ELSPBP1: variants seen among roughly 807,000 people sequenced by gnomAD.
The protein encoded by ELSPBP1 is epididymal sperm binding protein 1.
ELSPBP1 carries 38 observed loss-of-function variants against 33.3 expected under a neutral mutation model. That is an observed-to-expected ratio of 1.14 (90% CI 0.88 to 1.50). The LOEUF (loss-of-function observed/expected upper bound fraction) is 1.50. Among genes scored for constraint, ELSPBP1 ranks in the 40% most tolerant of loss-of-function variants. The probability of loss-of-function intolerance (pLI) is 0.00; values close to 1 mark genes in which losing one functional copy is unlikely to be tolerated. For missense variants in ELSPBP1, 267 were observed against 263.5 expected (o/e 1.01, Z -0.09); for synonymous variants, 85 against 94.1 (o/e 0.90, Z 0.56).
At position 48,023,386 on chromosome 19, in the gene ELSPBP1, G is replaced by GAGGAA. The variant is rs1409372862; in HGVS notation, c.*7+1056_*7+1057insAAGGA. The stretch of plus-strand genomic sequence containing the variant: ...GGAGGAAGGAAGAGAGGAAAGGAGG[G>GAGGAA]AGGAGGGAGGGAGGAAGTGAGGGAG... On this transcript the variant is annotated intron_variant, in intron 6 of 6. Transcript: ENST00000339841. Among the ~76,000 whole-genome samples the GAGGAA allele has an allele frequency of 5.0e-4, 34 of 67,740 alleles. 1 individual carries two copies. The East Asian group carries it at 0.032, about 63-fold the overall frequency. The allele number at this position is 67,740 out of a possible 152,430, so 44.4% of individuals were successfully genotyped here.
intron 1 of ELSPBP1, among the ~76,000 whole-genome samples, chr19:48,003,272 G>C (rs1321335120): frequency 6.6e-6 from 1 of 152,174 alleles, no homozygotes; most frequent in Non-Finnish European, 1.5e-5. Flanking sequence ...CAGACCATCA[G>C]TTGCTACCAA....
chr19:48,023,418 G>C (rs1300001822), intron 6 of ELSPBP1, among the ~76,000 whole-genome samples: 1 of 133,014 alleles, frequency 7.5e-6, no homozygotes, highest in Non-Finnish European at 1.6e-5. Context: ...GGAGGAGGGA[G>C]GGAGGGAAGG....
intron 4 of ELSPBP1, among the ~76,000 whole-genome samples, chr19:48,018,391 A>G (rs942905856): frequency 2.8e-5 from 4 of 142,266 alleles, no homozygotes; most frequent in African/African-American, 1.0e-4. Context: ...TTCTGCTATC[A>G]TCTGAGACAC....
chr19:48,001,055 G>A (rs1966962324), intron 1 of ELSPBP1, among the ~76,000 whole-genome samples: 1 of 152,114 alleles, frequency 6.6e-6, no homozygotes, highest in Admixed American at 6.6e-5. Flanking sequence ...CCGCTTCCTG[G>A]CTTCTTCCAG....
chr19:48,010,782 G>A (rs1263336176), intron 2 of ELSPBP1, among the ~76,000 whole-genome samples: 1 of 152,192 alleles, frequency 6.6e-6, no homozygotes, highest in Non-Finnish European at 1.5e-5. Context: ...AGGCAGGTCA[G>A]CAGGGTCTGG....
rs1415537409 is a variant in ELSPBP1, at chr19:48,011,266, G to C, written c.70+2529G>C. 6.6e-6 allele frequency among the ~76,000 whole-genome samples: 1 copy of C among 151,626 alleles called. No individual in the cohort carries two copies. Among genetic ancestry groups the C allele is most frequent in the Non-Finnish European group, 1.5e-5 (1 of 67,950 alleles). ...GATGACAATGATTGATAATGATGAT[G>C]ACAATGACGATGATGATCACCATGA... is the stretch of plus-strand genomic sequence containing the variant. On this transcript the variant is annotated intron_variant, in intron 2 of 6. Transcript: ENST00000339841. The surrounding 1 kb of genome is among the most constrained non-coding windows in gnomAD (Gnocchi z 4.5).
At chr19:48,015,641 G>C (rs1003552279) in intron 3 of ELSPBP1, among the ~76,000 whole-genome samples, 1 of 152,180 alleles carries the variant, frequency 6.6e-6, no homozygotes, top group Non-Finnish European at 1.5e-5. Context: ...CTGGGCAACA[G>C]AGTGAGACTC....
chr19:48,017,024 T>G lies in ELSPBP1; in HGVS notation c.355+985T>G, dbSNP rs144565169. On this transcript the variant is annotated intron_variant, in intron 4 of 6. Transcript: ENST00000339841. ...TGATCCAAGAGCTTTGTATACAATA[T>G]CCTGTTGAATCTTTCCATAGCAGCT... 8.7e-3 allele frequency among the ~76,000 whole-genome samples: 1,326 copies of G among 152,300 alleles called. 83 individuals carry two copies. The highest frequency in any genetic ancestry group is 0.082 in the Admixed American group (1,255 of 15,294).
At chr19:48,017,958 T>C (rs915060360) in intron 4 of ELSPBP1, among the ~76,000 whole-genome samples, 3 of 151,112 alleles carry the variant, frequency 2.0e-5, no homozygotes, top group Non-Finnish European at 4.4e-5. Flanking sequence ...TAATATAACC[T>C]TAATATCTAA....
chr19:47,998,602 C>G (rs1000901672), intron 1 of ELSPBP1, among the ~76,000 whole-genome samples: 2 of 151,440 alleles, frequency 1.3e-5, no homozygotes, highest in African/African-American at 4.9e-5. Context: ...CTGGCTAACA[C>G]AGTGAAACCC....
chr19:48,001,421 T>A (rs1346538042), intron 1 of ELSPBP1, among the ~76,000 whole-genome samples: 1 of 151,722 alleles, frequency 6.6e-6, no homozygotes, highest in Non-Finnish European at 1.5e-5. Context: ...GACCTCATGA[T>A]CCTTGTGATC....
At chr19:48,005,409 C>A (rs1244220639) in intron 1 of ELSPBP1, among the ~76,000 whole-genome samples, 1 of 151,948 alleles carries the variant, frequency 6.6e-6, no homozygotes. Flanking sequence ...AAAGTAGAAC[C>A]AACTGACTGA....
chr19:48,022,025 TGC>T (rs1313668217), intron 5 of ELSPBP1, 143 bp from the exon 6 acceptor site: 15 of 699,582 alleles, frequency 2.1e-5, no homozygotes, highest in African/African-American at 1.3e-4. Flanking sequence ...TGGGATTAAA[TGC>T]GCGCGATTAA....
At chr19:48,006,111 C>A (rs1420734857) in intron 1 of ELSPBP1, among the ~76,000 whole-genome samples, 1 of 152,056 alleles carries the variant, frequency 6.6e-6, no homozygotes, top group Non-Finnish European at 1.5e-5. Context: ...CAGGCATGCA[C>A]CACCATGCAA....
rs1568405921 is a variant in ELSPBP1, at chr19:48,011,439, CGATGACAGTGATGAT to C, written c.70+2710_71-2710del. On this transcript the variant is annotated intron_variant, in intron 2 of 6. Coordinates refer to ENST00000339841, the MANE Select transcript of ELSPBP1 (RefSeq NM_022142.5). This position sits in a 1 kb window ranked among gnomAD's most constrained non-coding sequence, Gnocchi z 4.5. ...GTGATGAGGAGGAGAATAATGATCA[CGATGACAGTGATGAT>C]GATGACAATGACAATAATGAGGTTG... is the stretch of plus-strand genomic sequence containing the variant. Among the ~76,000 whole-genome samples, 1 of 75,904 alleles carries C rather than the reference CGATGACAGTGATGAT, an allele frequency of 1.3e-5. No individual in the cohort carries two copies. Among genetic ancestry groups the C allele is most frequent in the Non-Finnish European group, 2.6e-5 (1 of 38,866 alleles). The allele number at this position is 75,904 out of a possible 152,430, so 49.8% of individuals were successfully genotyped here.
chr19:48,023,323 G>C, intron 6 of ELSPBP1, among the ~76,000 whole-genome samples: 1 of 123,354 alleles, frequency 8.1e-6, no homozygotes, highest in East Asian at 2.6e-4. Context: ...GAAGGAGAGA[G>C]GGAAAGAAGG....
rs35792818 is a variant in ELSPBP1, at chr19:48,015,987, A to G, written c.303A>G (p.Ser101=). The G allele has an allele frequency of 0.15, 247,513 of 1,612,936 alleles. 20,074 individuals are homozygous for G. The highest frequency in any genetic ancestry group is 0.22 in the South Asian group (20,442 of 90,922). The change falls in exon 4 of 7, where the codon TCA becomes TCG. Residue 101 remains serine, a synonymous_variant. Coordinates refer to ENST00000339841, the MANE Select transcript of ELSPBP1 (RefSeq NM_022142.5). ...QGSFLGSLWC[S]VTSVFDEKQQ... ...GCTTCTTAGGCAGTCTGTGGTGCTC[A>G]GTCACCTCTGTCTTCGATGAGAAAC...
chr19:48,020,702 G>T (rs762901135), intron 5 of ELSPBP1, among the ~76,000 whole-genome samples: 5 of 152,084 alleles, frequency 3.3e-5, no homozygotes, highest in African/African-American at 7.2e-5. Flanking sequence ...TTCCTCCAGG[G>T]CCCTCTGTGC....
intron 3 of ELSPBP1, 125 bp from the exon 4 acceptor site, chr19:48,015,768 A>G (rs1967124816): frequency 3.6e-6 from 3 of 841,946 alleles, no homozygotes; most frequent in Non-Finnish European, 3.6e-6. Context: ...TGATGAAATA[A>G]TGCATAAAGT....
Sources: gnomAD v4.1 joint callset for allele counts (sites outside exome capture counted in the v4.1 genomes callset) on GRCh38, gnomAD v4.1.1 for gene constraint, Gnocchi (gnomAD v3.1) non-coding constraint, MANE v1.5 for transcripts, NCBI Gene and HGNC (gene_info 2026-07-23, HGNC 2026-07-21) for gene names.